The following SDR9C7 variants were observed in gnomAD, a reference collection of about 807,000 sequenced individuals.
SDR9C7 encodes the protein short chain dehydrogenase/reductase family 9C member 7, also known as short-chain dehydrogenase/reductase family 9C member 7.
SDR9C7 carries 11 observed loss-of-function variants against 23.6 expected under a neutral mutation model. The ratio of observed to expected loss-of-function variants is 0.47; its 90% CI spans 0.29 to 0.77. SDR9C7 has a LOEUF of 0.77. Among genes scored for constraint, SDR9C7 ranks in the 30% least tolerant of loss-of-function variants. The probability of loss-of-function intolerance (pLI) is 0.09; values close to 1 mark genes in which losing one functional copy is unlikely to be tolerated. For synonymous variants in SDR9C7, 167 were observed against 157.3 expected (o/e 1.06, Z -0.46); for missense variants, 387 against 407.1 (o/e 0.95, Z 0.42).
chr12:56,930,265 A>G lies in SDR9C7; in HGVS notation c.521T>C (p.Val174Ala), dbSNP rs750335193. 2 of 1,614,028 alleles carry G rather than the reference A, an allele frequency of 1.2e-6. No individual in the cohort carries two copies. Among genetic ancestry groups the G allele is most frequent in the African/African-American group, 1.3e-5 (1 of 74,970 alleles). ...GAAGGCCTCAACGCCAAACTTGGAGACGCAGTAGCCACCACCAATGACAGC... is the reference window on the plus strand; with the variant it reads ...GAAGGCCTCAACGCCAAACTTGGAGGCGCAGTAGCCACCACCAATGACAGC... ...RVAVIGGGYC[V>A]SKFGVEAFSD... Residue 174 changes from valine (V) to alanine (A), a missense_variant, in exon 2 of 4, where the codon GTC becomes GCC. Transcript: ENST00000293502.
At chr12:56,927,222 G>T (rs1955740087) in intron 3 of SDR9C7, among the ~76,000 whole-genome samples, 1 of 152,144 alleles carries the variant, frequency 6.6e-6, no homozygotes, top group Non-Finnish European at 1.5e-5. Context: ...GGTTTTCGGA[G>T]GAGTTTGCCT....
At chr12:56,929,671 G>T in intron 2 of SDR9C7, 118 bp from the exon 3 acceptor site, 1 of 1,228,372 alleles carries the variant, frequency 8.1e-7, no homozygotes, top group Non-Finnish European at 1.1e-6. Context: ...CCCTGTACTT[G>T]GCCCTGGCAT....
rs771098164 is a variant in SDR9C7, at chr12:56,934,195, G to A, written c.67C>T (p.Leu23Phe). 1.2e-6 allele frequency: 2 copies of A among 1,614,224 alleles called. No individual in the cohort carries two copies. The highest frequency in any genetic ancestry group is 1.1e-5 in the South Asian group (1 of 91,088). Residue 23 changes from leucine (L) to phenylalanine (F), a missense_variant, in exon 1 of 4, where the codon CTC (leucine) becomes TTC (phenylalanine). Transcript: ENST00000293502. ...GTGATGAAGACGTACTTCTCTGAGA[G>A]GTTGCCAACCAGATTGCAGTTCTTG... ...WFKNCNLVGN[L>F]SEKYVFITGC...
At chr12:56,927,732 A>G (rs1159525412) in intron 3 of SDR9C7, among the ~76,000 whole-genome samples, 3 of 152,222 alleles carry the variant, frequency 2.0e-5, no homozygotes, top group African/African-American at 7.2e-5. Context: ...AGGTGAAGAG[A>G]GGCTGCAGCA....
intron 3 of SDR9C7, 127 bp from the exon 4 acceptor site, chr12:56,924,177 CCT>C (rs1375020545): frequency 1.6e-6 from 1 of 631,256 alleles, no homozygotes; most frequent in Non-Finnish European, 2.8e-6. Context: ...TCCGCCACAC[CCT>C]CCAGGTGGTC....
chr12:56,924,429 A>AAAAT (rs111368194), intron 3 of SDR9C7, among the ~76,000 whole-genome samples: 6,501 of 151,004 alleles, frequency 0.043, 303 homozygotes, highest in African/African-American at 0.12. Context: ...ACGCTGTCTC[A>AAAAT]AAATAAATAA....
Position 56,929,527 on chromosome 12 carries a change from T to C in SDR9C7, c.587A>G (p.Lys196Arg). ...GTTCCCTGGCTCAATGATGCAGACT[T>C]TCACCCCAAAGTAGTAGAGCTCACG... is the stretch of plus-strand genomic sequence containing the variant. ...IRRELYYFGV[K>R]VCIIEPGNYR... is the part of the protein sequence containing the mutation. The change falls in exon 3 of 4, where the codon AAA becomes AGA. Residue 196 changes from lysine to arginine, a missense_variant. Coordinates refer to ENST00000293502, the MANE Select transcript of SDR9C7 (RefSeq NM_148897.3). 2 of 1,611,250 alleles carry C rather than the reference T, an allele frequency of 1.2e-6. No individual in the cohort carries two copies. Among genetic ancestry groups the C allele is most frequent in the African/African-American group, 1.3e-5 (1 of 74,970 alleles).
rs754623598 is a variant in SDR9C7 at position 56,929,498 on chromosome 12, G to A, written c.616C>T (p.Arg206Trp). Reference sequence around the variant, plus strand: ...TTCTCCTTGCCGAGAATGGCTGTCCGATAGTTCCCTGGCTCAATGATGCAG... The same window carrying A: ...TTCTCCTTGCCGAGAATGGCTGTCCAATAGTTCCCTGGCTCAATGATGCAG... ...KVCIIEPGNY[R>W]TAILGKENLE... Residue 206 changes from arginine to tryptophan, a missense_variant, in exon 3 of 4, where the codon CGG (arginine) becomes TGG (tryptophan). By Grantham distance (101) the Arg-to-Trp change is moderately radical. Transcript: ENST00000293502. 45 of 1,613,506 alleles carry A rather than the reference G, an allele frequency of 2.8e-5. No individual in the cohort carries two copies. The highest frequency in any genetic ancestry group is 1.6e-4 in the Middle Eastern group (1 of 6,082).
At chr12:56,926,312 C>T (rs1329953332) in intron 3 of SDR9C7, among the ~76,000 whole-genome samples, 1 of 152,198 alleles carries the variant, frequency 6.6e-6, no homozygotes, top group Non-Finnish European at 1.5e-5. Flanking sequence ...TCAGGACTTA[C>T]AACTTCATGT....
chr12:56,929,550 A>G lies in SDR9C7; in HGVS notation c.564T>C (p.Arg188=), dbSNP rs775715098. The G allele has an allele frequency of 1.3e-6, 2 of 1,596,632 alleles. No individual in the cohort carries two copies. Among genetic ancestry groups the G allele is most frequent in the South Asian group, 2.2e-5 (2 of 90,766 alleles). ...GVEAFSDSIR[R]ELYYFGVKVC... is the part of the protein sequence containing the mutation. ...CTTTCACCCCAAAGTAGTAGAGCTC[A>G]CGCCTGGGAAAGAAGAGTTGCAGTC... Residue 188 remains arginine, a synonymous_variant, in exon 3 of 4, where the codon CGT becomes CGC. Transcript: ENST00000293502.
rs763152473 is a variant in SDR9C7 at position 56,929,393 on chromosome 12, T to C, written c.721A>G (p.Ile241Val). Residue 241 changes from isoleucine (I) to valine (V), a missense_variant, in exon 3 of 4, where the codon ATC becomes GTC. Coordinates refer to ENST00000293502, the MANE Select transcript of SDR9C7 (RefSeq NM_148897.3). ...RDSYGEDYFR[I>V]YTDKLKNIMQ... The stretch of plus-strand genomic sequence containing the variant: ...CTCTCCTGCCCCAGGAACTTACAGA[T>C]GCGGAAATAATCCTCTCCGTAGCTG... 1.3e-6 allele frequency: 2 copies of C among 1,597,402 alleles called. No homozygotes were observed. Among genetic ancestry groups the C allele is most frequent in the South Asian group, 2.2e-5 (2 of 90,806 alleles).
At chr12:56,924,449 T>A (rs772199642) in intron 3 of SDR9C7, among the ~76,000 whole-genome samples, 1 of 151,904 alleles carries the variant, frequency 6.6e-6, no homozygotes, top group Non-Finnish European at 1.5e-5. Context: ...AATAAATAAA[T>A]AAATAAACAA....
chr12:56,926,918 TG>T (rs1317350424), intron 3 of SDR9C7, among the ~76,000 whole-genome samples: 1 of 152,238 alleles, frequency 6.6e-6, no homozygotes, highest in Non-Finnish European at 1.5e-5. Flanking sequence ...ATTGCTGCTT[TG>T]TTTTGTATGC....
chr12:56,926,229 C>T (rs1020411839), intron 3 of SDR9C7, among the ~76,000 whole-genome samples: 2 of 152,150 alleles, frequency 1.3e-5, no homozygotes, highest in Admixed American at 1.3e-4. Context: ...GAGTTTGTAC[C>T]CAGCGATGCT....
At chr12:56,924,110 C>G in intron 3 of SDR9C7, 60 bp from the exon 4 acceptor site, 1 of 1,235,768 alleles carries the variant, frequency 8.1e-7, no homozygotes. Context: ...ATGGCTTCTT[C>G]CGAATTCCAT....
At chr12:56,925,656 T>C (rs1955728763) in intron 3 of SDR9C7, among the ~76,000 whole-genome samples, 1 of 152,024 alleles carries the variant, frequency 6.6e-6, no homozygotes, top group Admixed American at 6.5e-5. Context: ...CCACACTAAC[T>C]CAAAGCCAGA....
intron 1 of SDR9C7, among the ~76,000 whole-genome samples, chr12:56,931,439 C>G (rs1955767585): frequency 6.6e-6 from 1 of 151,534 alleles, no homozygotes; most frequent in African/African-American, 2.4e-5. Flanking sequence ...GAGGACTATC[C>G]TTGAGATATT....
At chr12:56,930,062 C>T (rs913274368) in intron 2 of SDR9C7, among the ~76,000 whole-genome samples, 164 bp downstream of exon 2, 3 of 152,168 alleles carry the variant, frequency 2.0e-5, no homozygotes, top group Non-Finnish European at 4.4e-5. Flanking sequence ...TCTCCTCATC[C>T]CTGCTCTTGG....
At position 56,930,327 on chromosome 12, in the gene SDR9C7, G is replaced by T. The variant is rs1955760879; in HGVS notation, c.459C>A (p.Gly153=). 6.2e-7 allele frequency: 1 copy of T among 1,613,986 alleles called. No homozygotes were observed. Among genetic ancestry groups the T allele is most frequent in the Non-Finnish European group, 8.5e-7 (1 of 1,180,026 alleles). ...HMLPMVKRAR[G]RVVNMSSSGG... ...CAGAGCTGGACATGTTGACAACCCT[G>T]CCCCGGGCTCTCTTGACCATGGGCA... Residue 153 remains glycine (G), a synonymous_variant, in exon 2 of 4, where the codon GGC becomes GGA. Transcript: ENST00000293502.
Sources: gnomAD v4.1 joint callset for allele counts (sites outside exome capture counted in the v4.1 genomes callset) on GRCh38, gnomAD v4.1.1 for gene constraint, MANE v1.5 for transcripts, NCBI Gene and HGNC (gene_info 2026-07-23, HGNC 2026-07-21) for gene names.